The following ASIC2 variants were observed in gnomAD, a reference collection of about 807,000 sequenced individuals.
ASIC2 encodes the protein acid sensing ion channel subunit 2.
Under a neutral mutation model 57.3 loss-of-function variants are expected in ASIC2, and 25 were observed. The ratio of observed to expected loss-of-function variants is 0.44; its 90% CI spans 0.32 to 0.61. The LOEUF is 0.61. ASIC2 is among the 20% of genes least tolerant of loss of function. The pLI is 0.06. For synonymous variants in ASIC2, 319 were observed against 307.5 expected (o/e 1.04, Z -0.39); for missense variants, 641 against 738.1 (o/e 0.87, Z 1.52).
Position 33,293,013 on chromosome 17 carries a change from C to A in ASIC2, c.-898G>T, listed in dbSNP as rs549407671. ...GCCTCGCGTCTCCAGAAAAGCCCAG[C>A]CTTGCTGTCTCTCGCGTCTTCTCTC... On this transcript the variant is annotated 5_prime_UTR_variant, in exon 1 of 10. Transcript: ENST00000225823. 1 of 985,626 alleles carries A rather than the reference C, an allele frequency of 1.0e-6. No individual in the cohort carries two copies. Among genetic ancestry groups the A allele is most frequent in the Non-Finnish European group, 1.2e-6 (1 of 830,056 alleles). 61.1% of individuals were successfully genotyped at this position (985,626 alleles called of 1,614,324 possible). A position where few individuals can be genotyped will look rare whatever the true frequency, so the allele number is the denominator to read the frequency against.
At chr17:33,333,369 A>G (rs934131297) in intron 1 of ASIC2, among the ~76,000 whole-genome samples, 2 of 152,254 alleles carry the variant, frequency 1.3e-5, no homozygotes, top group African/African-American at 4.8e-5. Flanking sequence ...TGTTCATATG[A>G]TGATTCCAAA....
At chr17:33,722,960 A>G (rs1909432965) in intron 1 of ASIC2, among the ~76,000 whole-genome samples, 1 of 152,236 alleles carries the variant, frequency 6.6e-6, no homozygotes, top group African/African-American at 2.4e-5. Context: ...TGAAACTTTC[A>G]TCTTTTGCCA....
At chr17:34,016,159 T>C (rs1906945621) in intron 1 of ASIC2, among the ~76,000 whole-genome samples, 1 of 151,992 alleles carries the variant, frequency 6.6e-6, no homozygotes, top group Non-Finnish European at 1.5e-5. Context: ...GCACAGTGGC[T>C]CATGCCTGTA....
intron 3 of ASIC2, among the ~76,000 whole-genome samples, chr17:33,088,273 T>C (rs2092143119): frequency 2.0e-5 from 3 of 152,192 alleles, no homozygotes; most frequent in South Asian, 4.1e-4. Flanking sequence ...AAGGTCTCCC[T>C]TTTGAGATGT....
intron 1 of ASIC2, among the ~76,000 whole-genome samples, chr17:33,491,487 A>G (rs1346335093): frequency 2.0e-5 from 3 of 152,238 alleles, no homozygotes; most frequent in Non-Finnish European, 2.9e-5. Flanking sequence ...TTTCTATGGG[A>G]GAGCGGCTAA....
At chr17:33,236,151 G>A (rs767074643) in intron 1 of ASIC2, among the ~76,000 whole-genome samples, 9 of 151,896 alleles carry the variant, frequency 5.9e-5, no homozygotes, top group Non-Finnish European at 1.2e-4. Context: ...AGACTTAGAG[G>A]TGATGGGTGC....
chr17:33,325,361 G>A (rs141240254), intron 1 of ASIC2, among the ~76,000 whole-genome samples: 194 of 152,328 alleles, frequency 1.3e-3, no homozygotes, highest in Non-Finnish European at 1.3e-3. Context: ...GATGGTACCT[G>A]CAGGCTGAAC....
At chr17:33,206,053 G>T (rs1208301394) in intron 1 of ASIC2, among the ~76,000 whole-genome samples, 1 of 152,204 alleles carries the variant, frequency 6.6e-6, no homozygotes, top group Non-Finnish European at 1.5e-5. Context: ...AGTAGCACCT[G>T]TAATGAAACT....
At chr17:33,017,883 G>T (rs2091815314) in intron 7 of ASIC2, among the ~76,000 whole-genome samples, 199 bp from the exon 8 acceptor site, 1 of 152,220 alleles carries the variant, frequency 6.6e-6, no homozygotes, top group Admixed American at 6.5e-5. Context: ...AGCATTCAGT[G>T]GGGTCGGGGA....
intron 4 of ASIC2, 135 bp from the exon 5 acceptor site, chr17:33,026,117 G>C (rs765931989): frequency 4.6e-6 from 4 of 864,190 alleles, no homozygotes; most frequent in Non-Finnish European, 7.2e-6. Flanking sequence ...TGGGCAGTTC[G>C]AAGGGAGCCT....
chr17:34,023,160 G>A (rs1907246001), intron 1 of ASIC2, among the ~76,000 whole-genome samples: 1 of 152,050 alleles, frequency 6.6e-6, no homozygotes, highest in African/African-American at 2.4e-5. Context: ...TACACAATGT[G>A]AGAATGAACT....
At chr17:33,812,059 TA>T (rs921234540) in intron 1 of ASIC2, among the ~76,000 whole-genome samples, 1 of 152,194 alleles carries the variant, frequency 6.6e-6, no homozygotes, top group African/African-American at 2.4e-5. Flanking sequence ...CATTATCAGA[TA>T]AAAACCCCTT....
chr17:33,865,897 A>C (rs1914225997), intron 1 of ASIC2, among the ~76,000 whole-genome samples: 1 of 151,888 alleles, frequency 6.6e-6, no homozygotes. Context: ...CATACTTTCT[A>C]TTACTTCTTC....
Position 33,644,545 on chromosome 17 carries a change from T to C in ASIC2, c.555+511433A>G, listed in dbSNP as rs560321579. 5.9e-5 allele frequency among the ~76,000 whole-genome samples: 9 copies of C among 152,340 alleles called. No homozygotes were observed. In the Middle Eastern group the frequency reaches 0.014, roughly 230 times the overall value. Reference sequence around the variant, plus strand: ...TTCTTAAAACTTTCAAGCCTTTGAATAACTGAAGGAATGTCTCACAGAAAC... The same window carrying C: ...TTCTTAAAACTTTCAAGCCTTTGAACAACTGAAGGAATGTCTCACAGAAAC... On this transcript the variant is annotated intron_variant, in intron 1 of 9. Coordinates refer to the ASIC2 transcript ENST00000359872.
At chr17:33,719,522 T>G (rs1378676282) in intron 1 of ASIC2, among the ~76,000 whole-genome samples, 1 of 152,238 alleles carries the variant, frequency 6.6e-6, no homozygotes, top group East Asian at 1.9e-4. Flanking sequence ...ATACTCACTT[T>G]GTTGGAATAA....
At chr17:34,049,792 G>A (rs993296325) in intron 1 of ASIC2, among the ~76,000 whole-genome samples, 1 of 151,990 alleles carries the variant, frequency 6.6e-6, no homozygotes, top group Non-Finnish European at 1.5e-5. Flanking sequence ...ATCTTCCTCC[G>A]ACAGGAATCC....
chr17:33,602,900 A>G (rs1905144232), intron 1 of ASIC2, among the ~76,000 whole-genome samples: 1 of 152,068 alleles, frequency 6.6e-6, no homozygotes, highest in African/African-American at 2.4e-5. Flanking sequence ...CTTTTTCCTC[A>G]GTGTTTTATC....
intron 1 of ASIC2, among the ~76,000 whole-genome samples, chr17:33,760,604 G>GATATAT (rs34210908): frequency 1.1e-4 from 17 of 149,194 alleles, no homozygotes; most frequent in East Asian, 2.0e-4. Context: ...ATATATGCAA[G>GATATAT]ATATATATAT....
rs574453155 is a variant in ASIC2 at position 33,796,802 on chromosome 17, T to C, written c.555+359176A>G. ...AGAGAAACTTGGGGCTGGTAGGAGA[T>C]TAAGGGATGGGAACCCTGAGCTCCA... On this transcript the variant is annotated intron_variant, in intron 1 of 9. Coordinates refer to the ASIC2 transcript ENST00000359872. Among the ~76,000 whole-genome samples the C allele has an allele frequency of 2.2e-4, 34 of 152,288 alleles. No homozygotes were observed. The South Asian group carries it at 6.6e-3, about 30-fold the overall frequency.
Sources: gnomAD v4.1 joint callset for allele counts (sites outside exome capture counted in the v4.1 genomes callset) on GRCh38, gnomAD v4.1.1 for gene constraint, MANE v1.5 for transcripts, NCBI Gene and HGNC (gene_info 2026-07-23, HGNC 2026-07-21) for gene names.